Variants in PLXNA2 observed in about 807,000 individuals in gnomAD.
PLXNA2 encodes plexin-A2.
A neutral mutation model predicts 193.5 loss-of-function variants in PLXNA2; 91 were observed. The ratio of observed to expected loss-of-function variants is 0.47; its 90% confidence interval spans 0.40 to 0.56. PLXNA2 has a LOEUF of 0.56. Ranked by LOEUF, PLXNA2 falls within the 20% of genes least tolerant of loss-of-function variation. The pLI, the probability that PLXNA2 is intolerant of heterozygous loss-of-function variation, is 0.00. For missense variants in PLXNA2, 1,995 were observed against 2,503.2 expected, an observed-to-expected ratio of 0.80 and a Z score of 4.33; for synonymous variants, 997 against 1,027.3, an observed-to-expected ratio of 0.97 and a Z score of 0.56.
intron 3 of PLXNA2, 30 bp downstream of exon 3, chr1:208,210,250 A>G (rs752554988): frequency 1.9e-6 from 3 of 1,611,088 alleles, no homozygotes; most frequent in African/African-American, 1.3e-5. Context: ...GGTGAATGGC[A>G]TTGGAGCATC....
intron 3 of PLXNA2, among the ~76,000 whole-genome samples, chr1:208,156,156 A>T (rs1481387221): frequency 6.6e-6 from 1 of 152,180 alleles, no homozygotes; most frequent in African/African-American, 2.4e-5. Flanking sequence ...TAAACAGATC[A>T]AAGGGAGAGG....
chr1:208,101,655 T>C (rs1667100866), intron 5 of PLXNA2, among the ~76,000 whole-genome samples: 1 of 152,200 alleles, frequency 6.6e-6, no homozygotes. Context: ...GCATTGCTGA[T>C]AGATCTATAG....
chr1:208,033,532 G>A (rs771763740), intron 27 of PLXNA2, 23 bp from the exon 28 acceptor site: 2 of 1,573,472 alleles, frequency 1.3e-6, no homozygotes, highest in Admixed American at 1.7e-5. Flanking sequence ...GGTTGGTGGA[G>A]GGCTGTGAGT....
At chr1:208,074,903 G>T (rs1042467959) in intron 12 of PLXNA2, among the ~76,000 whole-genome samples, 1 of 152,168 alleles carries the variant, frequency 6.6e-6, no homozygotes, top group African/African-American at 2.4e-5. Flanking sequence ...ATGAAGGCTG[G>T]GGACAAGGAG....
chr1:208,118,551 A>G (rs72740709), intron 4 of PLXNA2, among the ~76,000 whole-genome samples: 7,753 of 152,228 alleles, frequency 0.051, 272 homozygotes, highest in Middle Eastern at 0.13. Flanking sequence ...TGCCTGGGCA[A>G]TCAACGGGGA....
At position 208,028,708 on chromosome 1, in the gene PLXNA2, G is replaced by GACCTCC; in HGVS notation, c.5438+121_5438+122insGGAGGT. On this transcript the variant is annotated intron_variant, in intron 30 of 31. Coordinates refer to ENST00000367033, the MANE Select transcript of PLXNA2 (RefSeq NM_025179.4). This position sits in a 1 kb window ranked among gnomAD's most constrained non-coding sequence, Gnocchi z 4.2. Reference sequence around the variant, plus strand: ...CGCAGCAGGGGGTGTGGCAGGGAGGGGAGTGGGAGGTCCTGAAGAGATGAC... The same window carrying GACCTCC: ...CGCAGCAGGGGGTGTGGCAGGGAGGGACCTCCGAGTGGGAGGTCCTGAAGAGATGAC... 2.4e-6 allele frequency: 2 copies of GACCTCC among 834,160 alleles called. No homozygotes were observed. The highest frequency in any genetic ancestry group is 5.5e-5 in the Admixed American group (2 of 36,300). The allele number at this position is 834,160 out of a possible 1,614,324, so 51.7% of individuals were successfully genotyped here.
At chr1:208,164,055 G>A (rs1008026406) in intron 3 of PLXNA2, among the ~76,000 whole-genome samples, 1 of 152,204 alleles carries the variant, frequency 6.6e-6, no homozygotes, top group Non-Finnish European at 1.5e-5. Context: ...GGGTTCTGAC[G>A]CTTCCATACA....
intron 1 of PLXNA2, among the ~76,000 whole-genome samples, chr1:208,228,462 C>A (rs145487551): frequency 1.3e-5 from 2 of 152,130 alleles, no homozygotes; most frequent in Non-Finnish European, 2.9e-5. Context: ...TGAGATGGAC[C>A]CTGGTGAAAC....
chr1:208,211,429 C>T (rs1670939003), intron 2 of PLXNA2, among the ~76,000 whole-genome samples: 1 of 152,160 alleles, frequency 6.6e-6, no homozygotes, highest in Non-Finnish European at 1.5e-5. Flanking sequence ...CACGGTGGCT[C>T]ACGCCTGTAA....
intron 3 of PLXNA2, among the ~76,000 whole-genome samples, chr1:208,178,007 AC>A (rs1353101798): frequency 6.6e-6 from 1 of 152,260 alleles, no homozygotes. Flanking sequence ...GAGGACTTGA[AC>A]AAACATTAGG....
chr1:208,043,847 A>G (rs1664962130), intron 20 of PLXNA2, among the ~76,000 whole-genome samples: 2 of 152,268 alleles, frequency 1.3e-5, no homozygotes, highest in Non-Finnish European at 2.9e-5. Context: ...CATTTGCAGC[A>G]AAAGGAGAAA....
intron 2 of PLXNA2, among the ~76,000 whole-genome samples, chr1:208,216,072 C>A (rs1475543722): frequency 6.6e-6 from 1 of 152,206 alleles, no homozygotes; most frequent in Non-Finnish European, 1.5e-5. Flanking sequence ...GTGTACATGA[C>A]CTGGTCCCCA....
intron 5 of PLXNA2, among the ~76,000 whole-genome samples, chr1:208,100,387 A>G (rs1438973934): frequency 6.6e-6 from 1 of 152,126 alleles, no homozygotes; most frequent in East Asian, 1.9e-4. Flanking sequence ...GAGGATGATA[A>G]TACGTATTTC....
At chr1:208,030,530 T>A in intron 29 of PLXNA2, 5 of 985,456 alleles carry the variant, frequency 5.1e-6, no homozygotes, top group Non-Finnish European at 6.0e-6. Context: ...CCCAGCCTGT[T>A]CGTTTCACTC....
At chr1:208,165,459 T>C (rs1028442165) in intron 3 of PLXNA2, among the ~76,000 whole-genome samples, 2 of 152,176 alleles carry the variant, frequency 1.3e-5, no homozygotes, top group Non-Finnish European at 2.9e-5. Flanking sequence ...GTCACACATC[T>C]AGGAAGTGGC....
At chr1:208,084,807 T>C (rs1666458365) in intron 9 of PLXNA2, among the ~76,000 whole-genome samples, 1 of 152,214 alleles carries the variant, frequency 6.6e-6, no homozygotes, top group South Asian at 2.1e-4. Flanking sequence ...TGTGTTACAA[T>C]TCAGGAATTA....
intron 1 of PLXNA2, among the ~76,000 whole-genome samples, chr1:208,229,684 C>T (rs1243213079): frequency 1.3e-5 from 2 of 152,206 alleles, no homozygotes; most frequent in Admixed American, 6.5e-5. Context: ...AAGATACCAG[C>T]TCTGTCTTTG....
chr1:208,156,891 T>C (rs1237981800), intron 3 of PLXNA2, among the ~76,000 whole-genome samples: 10 of 152,218 alleles, frequency 6.6e-5, no homozygotes, highest in Admixed American at 6.5e-4. Context: ...GCAAGCTTCC[T>C]TTTCCCTCAC....
At chr1:208,224,483 A>T (rs913575646) in intron 1 of PLXNA2, among the ~76,000 whole-genome samples, 6 of 150,728 alleles carry the variant, frequency 4.0e-5, no homozygotes, top group African/African-American at 1.5e-4. Flanking sequence ...GACACCGAAG[A>T]TTGTTATTAG....
Sources: gnomAD v4.1 joint callset for allele counts (sites outside exome capture counted in the v4.1 genomes callset) on GRCh38, gnomAD v4.1.1 for gene constraint, Gnocchi (gnomAD v3.1) non-coding constraint, MANE v1.5 for transcripts, NCBI Gene and HGNC (gene_info 2026-07-23, HGNC 2026-07-21) for gene names.